Variants in ASXL2 observed in about 807,000 individuals in gnomAD.
ASXL2 encodes the protein ASXL transcriptional regulator 2.
ASXL2 carries 23 observed loss-of-function variants against 122.0 expected under a neutral mutation model. The ratio of observed to expected loss-of-function variants is 0.19; its 90% CI spans 0.14 to 0.27. The LOEUF is 0.27. Ranked by LOEUF, ASXL2 falls within the 10% of genes least tolerant of loss-of-function variation. The pLI is 1.00. For synonymous variants in ASXL2, 650 were observed against 637.0 expected (o/e 1.02, Z -0.31); for missense variants, 1,518 against 1,713.8 (o/e 0.89, Z 2.02).
At position 25,763,077 on chromosome 2, in the gene ASXL2, A is replaced by G. The variant is rs1356655835; in HGVS notation, c.776-3432T>C. Among the ~76,000 whole-genome samples the G allele has an allele frequency of 9.2e-5, 14 of 152,318 alleles. No individual in the cohort carries two copies. The South Asian group carries it at 2.9e-3, about 32-fold the overall frequency. The stretch of plus-strand genomic sequence containing the variant: ...GAAACTTCAAAACATGTGAAATAAA[A>G]ACTGAAAGAACAGGGAGAACTGGAC... On this transcript the variant is annotated intron_variant, in intron 8 of 12. Transcript: ENST00000435504.
At chr2:25,825,495 G>T (rs2089365388) in intron 3 of ASXL2, among the ~76,000 whole-genome samples, 2 of 152,124 alleles carry the variant, frequency 1.3e-5, no homozygotes. Context: ...TTGTCTCTAT[G>T]AATCTGACTA....
At chr2:25,837,953 CAAAAAAA>C (rs34490545) in intron 2 of ASXL2, among the ~76,000 whole-genome samples, 1 of 65,370 alleles carries the variant, frequency 1.5e-5, no homozygotes, top group African/African-American at 4.8e-5. Context: ...CCTGTCTCTA[CAAAAAAA>C]AAAAAAAAAA....
rs965043439 is a variant in ASXL2 at position 25,837,067 on chromosome 2, GA to G, written c.141-1528del. Among the ~76,000 whole-genome samples the G allele has an allele frequency of 7.1e-5, 7 of 98,196 alleles. No individual in the cohort carries two copies. The Admixed American group carries it at 8.0e-4, about 11-fold the overall frequency. The allele number at this position is 98,196 out of a possible 152,430, so 64.4% of individuals were successfully genotyped here. On this transcript the variant is annotated intron_variant, in intron 2 of 12. Coordinates refer to ENST00000435504, the MANE Select transcript of ASXL2 (RefSeq NM_018263.6). ...AATAAGACGAGCAAAGCAGGTTAAG[GA>G]AACTCCAAAGGGGGGTGGGGGGGGG...
intron 3 of ASXL2, among the ~76,000 whole-genome samples, chr2:25,816,448 T>G (rs1041599423): frequency 2.0e-5 from 3 of 152,158 alleles, no homozygotes; most frequent in Non-Finnish European, 4.4e-5. Flanking sequence ...CCACAAGGCT[T>G]GATTTGATCA....
At chr2:25,757,819 AG>A (rs2088164141) in intron 9 of ASXL2, among the ~76,000 whole-genome samples, 1 of 151,874 alleles carries the variant, frequency 6.6e-6, no homozygotes, top group South Asian at 2.1e-4. Flanking sequence ...AAAGAACATT[AG>A]TCAAAAGATA....
At chr2:25,839,671 G>A (rs2149190332) in intron 2 of ASXL2, among the ~76,000 whole-genome samples, 1 of 142,090 alleles carries the variant, frequency 7.0e-6, no homozygotes, top group African/African-American at 2.6e-5. Flanking sequence ...GCCCAGGGCT[G>A]GAGTGCAGTG....
At chr2:25,804,298 A>G (rs1306359394) in intron 4 of ASXL2, among the ~76,000 whole-genome samples, 1 of 152,212 alleles carries the variant, frequency 6.6e-6, no homozygotes, top group African/African-American at 2.4e-5. Flanking sequence ...TCAGCTGATA[A>G]ATTTCCTTTG....
chr2:25,778,994 A>G (rs942512528), intron 5 of ASXL2, among the ~76,000 whole-genome samples: 1 of 152,166 alleles, frequency 6.6e-6, no homozygotes, highest in African/African-American at 2.4e-5. Flanking sequence ...CTAGAACAAG[A>G]AAAGAAGTCA....
rs773532286 is a variant in ASXL2, at chr2:25,768,866, C to T, written c.507G>A (p.Ala169=). The change falls in exon 7 of 13, where the codon GCG becomes GCA. Residue 169 remains alanine (A), a splice_region_variant and synonymous_variant. Transcript: ENST00000435504. ...QKHSKKALKQ[A]LKQQQQKKQQ... ...GCTTCTTCTGCTGTTGCTGCTTTAG[C>T]GCCTATAAAGATAAAACAGACTATA... is the stretch of plus-strand genomic sequence containing the variant. 8.7e-6 allele frequency: 14 copies of T among 1,613,150 alleles called. No homozygotes were observed. The highest frequency in any genetic ancestry group is 2.2e-5 in the East Asian group (1 of 44,882).
intron 3 of ASXL2, among the ~76,000 whole-genome samples, chr2:25,815,870 A>G (rs1019393633): frequency 3.3e-5 from 5 of 152,246 alleles, no homozygotes; most frequent in African/African-American, 1.2e-4. Context: ...ATAGATACAA[A>G]GCACCTACAT....
intron 5 of ASXL2, among the ~76,000 whole-genome samples, chr2:25,780,663 T>C (rs2088619485): frequency 6.6e-6 from 1 of 152,244 alleles, no homozygotes. Flanking sequence ...ATCTCTGCCA[T>C]TTTGTATTTT....
rs1417266124 is a variant in ASXL2 at position 25,744,033 on chromosome 2, G to A, written c.2304C>T (p.Val768=). 28 of 1,614,028 alleles carry A rather than the reference G, an allele frequency of 1.7e-5. No individual in the cohort carries two copies. The highest frequency in any genetic ancestry group is 2.4e-5 in the Non-Finnish European group (28 of 1,179,888). ...TTPSQAQPHS[V]SGAQLQQTPP... is the part of the protein sequence containing the mutation. ...GGGTTTGCTGTAGTTGTGCTCCAGAGACACTATGAGGCTGTGCCTGGCTTG... is the reference window on the plus strand; with the variant it reads ...GGGTTTGCTGTAGTTGTGCTCCAGAAACACTATGAGGCTGTGCCTGGCTTG... The change falls in exon 13 of 13, where the codon GTC becomes GTT. Residue 768 remains valine, a synonymous_variant. Coordinates refer to ENST00000435504, the MANE Select transcript of ASXL2 (RefSeq NM_018263.6). This position sits in a 1 kb window ranked among gnomAD's most constrained non-coding sequence, Gnocchi z 4.7.
chr2:25,786,999 A>G (rs1449687925), intron 5 of ASXL2, among the ~76,000 whole-genome samples: 2 of 151,980 alleles, frequency 1.3e-5, no homozygotes, highest in African/African-American at 4.8e-5. Context: ...AAAGAAAAAG[A>G]AAATTGCCAT....
At chr2:25,769,456 A>C (rs2088409309) in intron 6 of ASXL2, among the ~76,000 whole-genome samples, 1 of 152,210 alleles carries the variant, frequency 6.6e-6, no homozygotes, top group Admixed American at 6.5e-5. Flanking sequence ...ACAGCAAAGC[A>C]GTAAACAGAG....
intron 3 of ASXL2, chr2:25,823,045 C>CAG (rs2089330383): frequency 8.4e-6 from 4 of 473,406 alleles, no homozygotes; most frequent in African/African-American, 2.0e-5. Flanking sequence ...GCTCTAAAGG[C>CAG]AGATGCTGTA....
intron 2 of ASXL2, among the ~76,000 whole-genome samples, chr2:25,842,769 CGT>C (rs70950126): frequency 0.038 from 5,555 of 144,970 alleles, 134 homozygotes; most frequent in African/African-American, 0.069. Context: ...CGTGTGTGCA[CGT>C]GTGTGTGTGT....
intron 4 of ASXL2, 46 bp from the exon 5 acceptor site, chr2:25,799,581 C>T (rs754063497): frequency 6.5e-7 from 1 of 1,543,824 alleles, no homozygotes; most frequent in East Asian, 2.3e-5. Context: ...ACCATTTAAG[C>T]AAACAGAAAT....
At chr2:25,853,299 T>C (rs2089739670) in intron 1 of ASXL2, among the ~76,000 whole-genome samples, 1 of 152,174 alleles carries the variant, frequency 6.6e-6, no homozygotes. Flanking sequence ...ACATGGTATT[T>C]AGACAGAAAT....
intron 6 of ASXL2, among the ~76,000 whole-genome samples, 169 bp downstream of exon 6, chr2:25,771,271 G>A (rs1001286256): frequency 3.3e-5 from 5 of 152,178 alleles, no homozygotes; most frequent in African/African-American, 7.2e-5. Context: ...TGTAACATGT[G>A]TTACAAAGAG....
Sources: allele counts gnomAD v4.1 joint callset (sites outside exome capture counted in the v4.1 genomes callset), GRCh38; gene constraint gnomAD v4.1.1; non-coding constraint Gnocchi (gnomAD v3.1); transcripts MANE v1.5; gene names NCBI Gene and HGNC (gene_info 2026-07-23, HGNC 2026-07-21).